Variants in SOX5 observed in about 807,000 individuals in gnomAD.
The protein encoded by SOX5 is SRY-box transcription factor 5, also known as transcription factor SOX-5.
Under a neutral mutation model 92.0 loss-of-function variants are expected in SOX5, and 9 were observed. The ratio of observed to expected loss-of-function variants is 0.10; its 90% CI spans 0.06 to 0.17. The LOEUF (loss-of-function observed/expected upper bound fraction) is 0.17. Among genes scored for constraint, SOX5 ranks in the 10% least tolerant of loss-of-function variants. The pLI, the probability that SOX5 is intolerant of heterozygous loss-of-function variation, is 1.00. For synonymous variants in SOX5, 344 were observed against 336.3 expected (o/e 1.02, Z -0.25); for missense variants, 642 against 944.5 (o/e 0.68, Z 4.20).
At chr12:24,206,952 T>G (rs12318347) in intron 4 of SOX5, among the ~76,000 whole-genome samples, 1 of 152,224 alleles carries the variant, frequency 6.6e-6, no homozygotes, top group African/African-American at 2.4e-5. Flanking sequence ...AACACCTGTG[T>G]CAGCTCCTAT....
intron 2 of SOX5, among the ~76,000 whole-genome samples, chr12:24,367,593 A>G (rs2136230713): frequency 6.6e-6 from 1 of 152,294 alleles, no homozygotes; most frequent in Admixed American, 6.5e-5. Flanking sequence ...CACAACATTT[A>G]TCTATGCAAA....
intron 1 of SOX5, among the ~76,000 whole-genome samples, chr12:24,447,508 T>C (rs1941657348): frequency 6.6e-6 from 1 of 152,136 alleles, no homozygotes; most frequent in Non-Finnish European, 1.5e-5. Context: ...GATGGGACTC[T>C]GGAACAGAAA....
intron 6 of SOX5, among the ~76,000 whole-genome samples, chr12:23,681,149 T>C (rs1367877230): frequency 2.0e-5 from 3 of 152,032 alleles, no homozygotes; most frequent in Non-Finnish European, 4.4e-5. Context: ...GGAGTAGCCA[T>C]AGCTAGGGAG....
At chr12:23,596,759 T>C (rs1357012135) in intron 9 of SOX5, among the ~76,000 whole-genome samples, 1 of 152,166 alleles carries the variant, frequency 6.6e-6, no homozygotes, top group African/African-American at 2.4e-5. Context: ...TCTGACACAA[T>C]AATGACTTAG....
intron 2 of SOX5, among the ~76,000 whole-genome samples, chr12:24,332,652 G>T (rs985979852): frequency 1.3e-5 from 2 of 152,026 alleles, no homozygotes; most frequent in African/African-American, 4.8e-5. Flanking sequence ...AAGTATACAG[G>T]GAAGAGGAAA....
chr12:23,534,568 A>T, intron 14 of SOX5, 46 bp from the exon 15 acceptor site: 1 of 1,484,726 alleles, frequency 6.7e-7, no homozygotes, highest in South Asian at 1.2e-5. Context: ...GTAAGTGAAT[A>T]GTTAGATGTG....
At chr12:24,228,985 C>T (rs1962747529) in intron 3 of SOX5, among the ~76,000 whole-genome samples, 1 of 152,180 alleles carries the variant, frequency 6.6e-6, no homozygotes, top group Non-Finnish European at 1.5e-5. Flanking sequence ...AAGTGCAAGA[C>T]CCATGATTGT....
At chr12:24,503,723 G>A (rs1489676360) in intron 1 of SOX5, among the ~76,000 whole-genome samples, 1 of 152,096 alleles carries the variant, frequency 6.6e-6, no homozygotes, top group Non-Finnish European at 1.5e-5. Flanking sequence ...ACTAACTCAG[G>A]ACAGAAAACC....
chr12:23,881,407 G>A (rs1391330972), intron 2 of SOX5, among the ~76,000 whole-genome samples: 2 of 151,980 alleles, frequency 1.3e-5, no homozygotes, highest in Non-Finnish European at 2.9e-5. Context: ...CATCCACTCA[G>A]CACTAATCTC....
chr12:24,489,787 G>C (rs1317359739), intron 1 of SOX5, among the ~76,000 whole-genome samples: 1 of 152,164 alleles, frequency 6.6e-6, no homozygotes, highest in African/African-American at 2.4e-5. Flanking sequence ...TCCCTTATCA[G>C]CAAACAAGGC....
intron 2 of SOX5, among the ~76,000 whole-genome samples, chr12:23,859,788 CTT>C (rs1251068965): frequency 2.6e-5 from 4 of 152,134 alleles, no homozygotes; most frequent in Non-Finnish European, 2.9e-5. Flanking sequence ...TACTCTTTCT[CTT>C]TATTTCTCAG....
intron 3 of SOX5, among the ~76,000 whole-genome samples, chr12:23,760,947 G>A (rs2094547129): frequency 6.6e-6 from 1 of 152,050 alleles, no homozygotes. Flanking sequence ...CAAAAAGTAC[G>A]CTATGTATGA....
intron 4 of SOX5, among the ~76,000 whole-genome samples, chr12:24,077,768 TTTTC>T (rs1175631515): frequency 4.7e-5 from 5 of 105,972 alleles, no homozygotes; most frequent in African/African-American, 1.4e-4. Context: ...TCGAAAGGTA[TTTTC>T]ATATATATAT....
At position 23,949,630 on chromosome 12, in the gene SOX5, C is replaced by A. The variant is rs1329976242; in HGVS notation, c.-29G>T. The A allele has an allele frequency of 6.2e-7, 1 of 1,613,682 alleles. No homozygotes were observed. Among genetic ancestry groups the A allele is most frequent in the Non-Finnish European group, 8.5e-7 (1 of 1,179,806 alleles). ...GGAAAAGCACAATTTCCCTTTGTCA[C>A]AGCAGCCACCTATGATCGTCTCCAA... is the stretch of plus-strand genomic sequence containing the variant. On this transcript the variant is annotated 5_prime_UTR_variant, in exon 1 of 15. Coordinates refer to ENST00000451604, the MANE Select transcript of SOX5 (RefSeq NM_006940.6).
intron 4 of SOX5, among the ~76,000 whole-genome samples, chr12:24,169,664 G>C (rs1953843965): frequency 1.3e-5 from 2 of 152,220 alleles, no homozygotes; most frequent in South Asian, 4.1e-4. Context: ...CAAGAAATGA[G>C]AAGTATTAAA....
chr12:24,467,511 T>A (rs1020925880), intron 1 of SOX5, among the ~76,000 whole-genome samples: 7 of 150,820 alleles, frequency 4.6e-5, no homozygotes, highest in Non-Finnish European at 8.9e-5. Flanking sequence ...TGTTTGCAAA[T>A]GCATGGAAGC....
chr12:23,711,524 C>T (rs564415193), intron 6 of SOX5, among the ~76,000 whole-genome samples: 3 of 152,232 alleles, frequency 2.0e-5, no homozygotes, highest in South Asian at 2.1e-4. Context: ...TTATTAATAA[C>T]ATTTGAGATT....
intron 1 of SOX5, among the ~76,000 whole-genome samples, chr12:24,407,278 CAG>C (rs1221928381): frequency 3.3e-5 from 5 of 152,130 alleles, no homozygotes; most frequent in Non-Finnish European, 4.4e-5. Flanking sequence ...GATGGTAAGA[CAG>C]ACATGACTAA....
At chr12:24,331,921 T>TAAAGTAAA (rs1951377811) in intron 2 of SOX5, among the ~76,000 whole-genome samples, 2 of 132,248 alleles carry the variant, frequency 1.5e-5, no homozygotes, top group Non-Finnish European at 1.6e-5. Context: ...TGAAATTAAG[T>TAAAGTAAA]ATGTAAAGTA....
Sources: gnomAD v4.1 joint callset for allele counts (sites outside exome capture counted in the v4.1 genomes callset) on GRCh38, gnomAD v4.1.1 for gene constraint, MANE v1.5 for transcripts, NCBI Gene and HGNC (gene_info 2026-07-23, HGNC 2026-07-21) for gene names.